The following ERC2 variants were observed in gnomAD, a reference collection of about 807,000 sequenced individuals.
ERC2 encodes ERC protein 2.
A neutral mutation model predicts 114.8 loss-of-function variants in ERC2; 42 were observed. The ratio of observed to expected loss-of-function variants is 0.37; its 90% CI spans 0.29 to 0.47. The LOEUF (loss-of-function observed/expected upper bound fraction) is 0.47. Ranked by LOEUF, ERC2 falls within the 20% of genes least tolerant of loss-of-function variation. The pLI is 0.99. For synonymous variants in ERC2, 454 were observed against 425.5 expected (o/e 1.07, Z -0.82); for missense variants, 939 against 1,150.7 (o/e 0.82, Z 2.66).
chr3:55,967,766 G>T (rs112210717), intron 12 of ERC2, among the ~76,000 whole-genome samples: 1 of 152,178 alleles, frequency 6.6e-6, no homozygotes, highest in African/African-American at 2.4e-5. Context: ...CCTTATGAAT[G>T]GATTAATGCT....
chr3:55,512,807 G>T (rs1253337966), intron 17 of ERC2, among the ~76,000 whole-genome samples: 2 of 152,128 alleles, frequency 1.3e-5, no homozygotes, highest in Non-Finnish European at 2.9e-5. Context: ...GGAGACAAGA[G>T]AATTCTCAAA....
chr3:55,654,335 CA>C (rs2060769199), intron 17 of ERC2, among the ~76,000 whole-genome samples: 1 of 152,190 alleles, frequency 6.6e-6, no homozygotes, highest in African/African-American at 2.4e-5. Flanking sequence ...TAGCACCTGC[CA>C]ATCAAATGGC....
chr3:55,564,172 G>A (rs929901484), intron 17 of ERC2, among the ~76,000 whole-genome samples: 1 of 152,182 alleles, frequency 6.6e-6, no homozygotes, highest in African/African-American at 2.4e-5. Flanking sequence ...TGGGGTGGAT[G>A]TCTGCCTGAT....
chr3:55,753,739 T>C (rs1004612495), intron 14 of ERC2, among the ~76,000 whole-genome samples: 4 of 152,236 alleles, frequency 2.6e-5, no homozygotes, highest in African/African-American at 4.8e-5. Flanking sequence ...CAGTGGTTCA[T>C]TGAGAGATCT....
At chr3:56,026,737 A>C (rs2074077802) in intron 7 of ERC2, among the ~76,000 whole-genome samples, 1 of 152,218 alleles carries the variant, frequency 6.6e-6, no homozygotes, top group East Asian at 1.9e-4. Context: ...ATAGTAAAAT[A>C]CTATAACCAG....
chr3:56,236,068 AT>A (rs2050923429), intron 3 of ERC2, among the ~76,000 whole-genome samples: 1 of 152,180 alleles, frequency 6.6e-6, no homozygotes, highest in Non-Finnish European at 1.5e-5. Context: ...ATCTTAGTTG[AT>A]TGACAGTAGT....
At chr3:55,977,110 T>G (rs1467250509) in intron 12 of ERC2, among the ~76,000 whole-genome samples, 2 of 152,206 alleles carry the variant, frequency 1.3e-5, no homozygotes, top group Non-Finnish European at 2.9e-5. Context: ...AGAAATACAT[T>G]TCCACTGTTC....
At chr3:55,541,079 A>G (rs886119210) in intron 17 of ERC2, among the ~76,000 whole-genome samples, 3 of 152,202 alleles carry the variant, frequency 2.0e-5, no homozygotes, top group Admixed American at 6.5e-5. Flanking sequence ...CTTTGGGTTC[A>G]GCTCAGGTCT....
chr3:56,083,107 G>A (rs1258141554), intron 6 of ERC2, among the ~76,000 whole-genome samples: 1 of 152,282 alleles, frequency 6.6e-6, no homozygotes, highest in East Asian at 1.9e-4. Context: ...TCATAGAGAT[G>A]CCCACAGCAA....
At chr3:55,629,929 G>A (rs1271582492) in intron 17 of ERC2, among the ~76,000 whole-genome samples, 1 of 152,182 alleles carries the variant, frequency 6.6e-6, no homozygotes, top group Non-Finnish European at 1.5e-5. Flanking sequence ...TGAGACAGCA[G>A]TCTCAGAGGT....
Position 55,752,649 on chromosome 3 carries a change from T to G in ERC2, c.2565-17731A>C, listed in dbSNP as rs115789543. The stretch of plus-strand genomic sequence containing the variant: ...AACTCATTTGAGCTGCACAACAATC[T>G]AATGAGGAAGGTGCCATTATGTTCC... On this transcript the variant is annotated intron_variant, in intron 14 of 17. Transcript: ENST00000288221. Among the ~76,000 whole-genome samples the G allele has an allele frequency of 3.9e-3, 588 of 152,258 alleles. 3 individuals are homozygous for G. Among genetic ancestry groups the G allele is most frequent in the African/African-American group, 0.014 (569 of 41,570 alleles).
chr3:55,875,972 GGAGTGGAA>G (rs2062817870), intron 14 of ERC2, among the ~76,000 whole-genome samples: 3 of 152,242 alleles, frequency 2.0e-5, no homozygotes, highest in Admixed American at 2.0e-4. Flanking sequence ...AACAGGACAT[GGAGTGGAA>G]GAGAAGAGAG....
intron 14 of ERC2, among the ~76,000 whole-genome samples, chr3:55,883,416 A>G (rs2149309188): frequency 6.6e-6 from 1 of 152,280 alleles, no homozygotes; most frequent in South Asian, 2.1e-4. Flanking sequence ...ACAGCCTAAG[A>G]GTGGATGTAA....
At chr3:55,604,611 G>C (rs2058561796) in intron 17 of ERC2, among the ~76,000 whole-genome samples, 1 of 152,264 alleles carries the variant, frequency 6.6e-6, no homozygotes, top group Non-Finnish European at 1.5e-5. Context: ...GGTAGTCAGG[G>C]GACAGAGCAT....
chr3:55,604,193 G>C (rs2058543213), intron 17 of ERC2, among the ~76,000 whole-genome samples: 1 of 151,982 alleles, frequency 6.6e-6, no homozygotes, highest in African/African-American at 2.4e-5. Context: ...CACGATTTTT[G>C]AGGGCCAGAT....
chr3:55,927,496 G>T (rs1004646423), intron 13 of ERC2, among the ~76,000 whole-genome samples: 2 of 152,028 alleles, frequency 1.3e-5, no homozygotes, highest in African/African-American at 4.8e-5. Flanking sequence ...TATTTATGGG[G>T]TATATGAGAT....
rs1206517864 is a variant in ERC2, at chr3:56,273,258, C to CT, written c.1074+22760dup. Among the ~76,000 whole-genome samples, 45 of 94,742 alleles carry CT rather than the reference C, an allele frequency of 4.7e-4. 3 individuals are homozygous for CT. Among genetic ancestry groups the CT allele is most frequent in the African/African-American group, 1.1e-3 (33 of 29,878 alleles). 62.2% of individuals were successfully genotyped at this position (94,742 alleles called of 152,430 possible). ...CAAGGACACCTCCCACTTTTTTTTT[C>CT]TTTCTTTTTTTTTTTTTTTTGGTGA... On this transcript the variant is annotated intron_variant, in intron 3 of 17. Transcript: ENST00000288221.
In ERC2 at chr3:56,033,799, T is replaced by TC. The variant is rs1208183803; in HGVS notation, c.1642-14769dup. Among the ~76,000 whole-genome samples, 12 of 152,280 alleles carry TC rather than the reference T, an allele frequency of 7.9e-5. No individual in the cohort carries two copies. The South Asian group carries it at 2.1e-3, about 26-fold the overall frequency. On this transcript the variant is annotated intron_variant, in intron 7 of 17. Transcript: ENST00000288221. ...TCAGCCTACAAGATTTCTTTTTTTTTCTTTTTTCTTTTCAAAGGCAGGGTC... is the reference window on the plus strand; with the variant it reads ...TCAGCCTACAAGATTTCTTTTTTTTTCCTTTTTTCTTTTCAAAGGCAGGGTC...
chr3:55,928,720 T>C (rs910653929), intron 13 of ERC2, among the ~76,000 whole-genome samples: 2 of 152,198 alleles, frequency 1.3e-5, no homozygotes, highest in Non-Finnish European at 2.9e-5. Context: ...AGTGTTTTCT[T>C]TTAGGAGAGT....
Sources: gnomAD v4.1 joint callset for allele counts (sites outside exome capture counted in the v4.1 genomes callset) on GRCh38, gnomAD v4.1.1 for gene constraint, MANE v1.5 for transcripts, NCBI Gene and HGNC (gene_info 2026-07-23, HGNC 2026-07-21) for gene names.